Variants in PKHD1 observed in about 807,000 individuals in gnomAD.
PKHD1 encodes the protein fibrocystin.
PKHD1 carries 291 observed loss-of-function variants against 412.0 expected under a neutral mutation model. That is an observed-to-expected ratio of 0.71 (90% CI 0.64 to 0.78). The LOEUF (loss-of-function observed/expected upper bound fraction) is 0.78. Ranked by LOEUF, PKHD1 falls within the 30% of genes least tolerant of loss-of-function variation. The probability of loss-of-function intolerance (pLI) is 0.00; values close to 1 mark genes in which losing one functional copy is unlikely to be tolerated. For synonymous variants in PKHD1, 1,777 were observed against 1,821.5 expected (o/e 0.98, Z 0.62); for missense variants, 4,825 against 4,950.7 (o/e 0.97, Z 0.76).
intron 27 of PKHD1, among the ~76,000 whole-genome samples, chr6:52,040,991 A>C (rs1200579840): frequency 1.3e-5 from 2 of 152,248 alleles, no homozygotes; most frequent in East Asian, 3.9e-4. Flanking sequence ...TAAAGGTTGA[A>C]GAGGTGATGA....
In PKHD1 at chr6:51,617,865, A is replaced by G. The variant is rs1766197026; in HGVS notation, c.*1216T>C. On this transcript the variant is annotated 3_prime_UTR_variant, in exon 67 of 67. Coordinates refer to ENST00000371117, the MANE Select transcript of PKHD1 (RefSeq NM_138694.4). ...TGCAACTACACAACAACCCCTTAAC[A>G]TTGTAGAGATTGGAAAATCCTGGTT... The G allele has an allele frequency of 6.6e-6, 1 of 152,068 alleles. No individual in the cohort carries two copies. The highest frequency in any genetic ancestry group is 1.9e-4 in the East Asian group (1 of 5,180). 9.4% of individuals were successfully genotyped at this position (152,068 alleles called of 1,614,324 possible).
At chr6:51,775,132 A>G (rs890727735) in intron 54 of PKHD1, among the ~76,000 whole-genome samples, 3 of 151,716 alleles carry the variant, frequency 2.0e-5, no homozygotes, top group Admixed American at 1.3e-4. Flanking sequence ...AAGTATAGTG[A>G]ACTTATTTCA....
chr6:51,928,019 G>A (rs184659524), intron 37 of PKHD1, among the ~76,000 whole-genome samples: 19 of 152,260 alleles, frequency 1.2e-4, no homozygotes, highest in Admixed American at 3.3e-4. Flanking sequence ...TTCAGAGAGA[G>A]AGCAACACCC....
Position 51,912,476 on chromosome 6 carries a change from A to G in PKHD1, c.6222T>C (p.Asp2074=). The change falls in exon 38 of 67, where the codon GAT becomes GAC. Residue 2074 remains aspartate (D), a synonymous_variant. Coordinates refer to ENST00000371117, the MANE Select transcript of PKHD1 (RefSeq NM_138694.4). ...CTGTTCCACTGATGATGACAACTTC[A>G]TCCCCAGGGTTCCAGTCCACAGCAT... The part of the protein sequence containing the change: ...LEDAVDWNPG[D]EVVIISGTGV... 1 of 1,613,142 alleles carries G rather than the reference A, an allele frequency of 6.2e-7. No homozygotes were observed. The highest frequency in any genetic ancestry group is 1.1e-5 in the South Asian group (1 of 91,068).
chr6:51,676,031 A>G (rs1340141510), intron 60 of PKHD1, among the ~76,000 whole-genome samples: 1 of 152,042 alleles, frequency 6.6e-6, no homozygotes, highest in East Asian at 1.9e-4. Context: ...CAGTGAGTGA[A>G]GTCTGTCTGG....
chr6:51,717,339 G>A (rs1198700000), intron 60 of PKHD1, among the ~76,000 whole-genome samples: 1 of 151,846 alleles, frequency 6.6e-6, no homozygotes, highest in Non-Finnish European at 1.5e-5. Flanking sequence ...TTGAACCCAG[G>A]AGGCAGAGAT....
chr6:51,963,167 C>A (rs1044363238), intron 35 of PKHD1, among the ~76,000 whole-genome samples: 6 of 152,018 alleles, frequency 3.9e-5, no homozygotes, highest in Non-Finnish European at 8.8e-5. Context: ...ATTTACATCC[C>A]TTTTCGTGTT....
Position 52,028,264 on chromosome 6 carries a change from G to A in PKHD1, c.3452C>T (p.Pro1151Leu), listed in dbSNP as rs574099162. The change falls in exon 30 of 67, where the codon CCG (proline) becomes CTG (leucine). Residue 1151 changes from proline (P) to leucine (L), a missense_variant. Physicochemically the swap from Pro to Leu is moderately conservative, Grantham distance 98 (BLOSUM62 -3). Transcript: ENST00000371117. The part of the protein sequence containing the change: ...VEVHVQDALA[P>L]VHTQSAWGLE... Reference sequence around the variant, plus strand: ...GCCCCAAGCCGACTGTGTGTGAACCGGAGCCAAGGCATCCTGGACGTGGAC... The same window carrying A: ...GCCCCAAGCCGACTGTGTGTGAACCAGAGCCAAGGCATCCTGGACGTGGAC... The A allele has an allele frequency of 8.7e-5, 141 of 1,613,986 alleles. No homozygotes were observed. The highest frequency in any genetic ancestry group is 1.1e-4 in the Non-Finnish European group (129 of 1,180,016).
intron 53 of PKHD1, among the ~76,000 whole-genome samples, chr6:51,789,627 TATATTTGCACTTGGAA>T (rs974392868): frequency 2.2e-4 from 34 of 152,206 alleles, no homozygotes; most frequent in African/African-American, 8.2e-4. Context: ...TAATTGTGGT[TATATTTGCACTTGGAA>T]ATATTTGCAC....
chr6:51,897,915 G>C (rs187322697), intron 43 of PKHD1, among the ~76,000 whole-genome samples: 21 of 152,190 alleles, frequency 1.4e-4, no homozygotes, highest in African/African-American at 4.6e-4. Flanking sequence ...AAGAGACAAA[G>C]AAGACCATTA....
At chr6:51,640,087 A>T (rs1487829831) in intron 63 of PKHD1, among the ~76,000 whole-genome samples, 1 of 152,190 alleles carries the variant, frequency 6.6e-6, no homozygotes, top group Non-Finnish European at 1.5e-5. Context: ...TGCAGTTTAT[A>T]CTCTTTAAAA....
intron 48 of PKHD1, among the ~76,000 whole-genome samples, chr6:51,862,242 G>A (rs891793918): frequency 3.3e-5 from 5 of 152,172 alleles, no homozygotes; most frequent in African/African-American, 1.2e-4. Context: ...TTAGGCAAAT[G>A]AAATAAACCA....
intron 20 of PKHD1, 124 bp downstream of exon 20, chr6:52,053,914 C>A (rs1222781706): frequency 1.9e-5 from 18 of 965,728 alleles, no homozygotes; most frequent in Non-Finnish European, 2.8e-5. Context: ...ATATTCAAAT[C>A]CCCAAATTAG....
chr6:51,927,457 A>G (rs1410884208), intron 37 of PKHD1, among the ~76,000 whole-genome samples: 1 of 152,220 alleles, frequency 6.6e-6, no homozygotes, highest in Non-Finnish European at 1.5e-5. Context: ...TCCATCATTT[A>G]TGAATGACCA....
intron 57 of PKHD1, among the ~76,000 whole-genome samples, 191 bp from the exon 58 acceptor site, chr6:51,748,856 C>A (rs1181077982): frequency 6.6e-6 from 1 of 152,074 alleles, no homozygotes; most frequent in Non-Finnish European, 1.5e-5. Context: ...CACATTAATG[C>A]CTGAATTGCA....
intron 35 of PKHD1, among the ~76,000 whole-genome samples, chr6:51,982,172 T>A (rs1329267622): frequency 2.8e-3 from 114 of 40,370 alleles, no homozygotes; most frequent in East Asian, 4.5e-3. Flanking sequence ...AGCCACCCCG[T>A]CCGGGAGGGA....
chr6:51,635,735 T>TA (rs1768445703), intron 64 of PKHD1, among the ~76,000 whole-genome samples: 1 of 150,786 alleles, frequency 6.6e-6, no homozygotes, highest in Admixed American at 6.6e-5. Context: ...TTTGAGGAGA[T>TA]ATTTGAGAAG....
At chr6:51,920,162 T>C (rs956462831) in intron 37 of PKHD1, among the ~76,000 whole-genome samples, 2 of 152,242 alleles carry the variant, frequency 1.3e-5, no homozygotes, top group African/African-American at 2.4e-5. Flanking sequence ...TCCAACACTA[T>C]GTTGAATAGG....
chr6:52,058,126 T>G (rs895231831), intron 16 of PKHD1, among the ~76,000 whole-genome samples, 197 bp downstream of exon 16: 1 of 152,224 alleles, frequency 6.6e-6, no homozygotes, highest in African/African-American at 2.4e-5. Context: ...ACTAACTCAA[T>G]GAGTAAGATA....
Sources: gnomAD v4.1 joint callset for allele counts (sites outside exome capture counted in the v4.1 genomes callset) on GRCh38, gnomAD v4.1.1 for gene constraint, MANE v1.5 for transcripts, NCBI Gene and HGNC (gene_info 2026-07-23, HGNC 2026-07-21) for gene names.